The following XKR9 variants were observed in gnomAD, a reference collection of about 807,000 sequenced individuals.
The protein encoded by XKR9 is XK related 9, also known as XK-related protein 9.
XKR9 carries 32 observed loss-of-function variants against 32.0 expected under a neutral mutation model. The ratio of observed to expected loss-of-function variants is 1.00; its 90% CI spans 0.76 to 1.34. The LOEUF (loss-of-function observed/expected upper bound fraction) is 1.34. Among genes scored for constraint, XKR9 ranks in the 40% most tolerant of loss-of-function variants. The pLI is 0.00. For missense variants in XKR9, 546 were observed against 429.7 expected (o/e 1.27, Z -2.39); for synonymous variants, 168 against 143.4 (o/e 1.17, Z -1.22).
chr8:70,894,451 CTGTT>C, the XKR9 span, among the ~76,000 whole-genome samples: 1 of 152,104 alleles, frequency 6.6e-6, no homozygotes, highest in Admixed American at 6.5e-5. Flanking sequence ...AGCCACTTCT[CTGTT>C]TATTTGGGAT....
chr8:70,830,895 T>G, the XKR9 span, among the ~76,000 whole-genome samples: 1 of 152,200 alleles, frequency 6.6e-6, no homozygotes, highest in Admixed American at 6.5e-5. Flanking sequence ...AGTTTGGACA[T>G]GAACCCAGAT....
chr8:70,818,220 CAT>C, the XKR9 span, among the ~76,000 whole-genome samples: 4 of 151,484 alleles, frequency 2.6e-5, no homozygotes, highest in African/African-American at 9.7e-5. Flanking sequence ...TGAGTTTCCA[CAT>C]GATTATCTCT....
intron 1 of XKR9, among the ~76,000 whole-genome samples, chr8:70,673,527 G>A (rs150428144): frequency 2.6e-5 from 4 of 152,174 alleles, no homozygotes; most frequent in Non-Finnish European, 4.4e-5. Context: ...TTTTGGTCGG[G>A]TGTGGTGGCT....
At chr8:70,826,056 A>C in the XKR9 span, among the ~76,000 whole-genome samples, 65 of 152,250 alleles carry the variant, frequency 4.3e-4, no homozygotes, top group African/African-American at 1.5e-3. Flanking sequence ...GAGACCTCAG[A>C]ATAGTAGATA....
At chr8:70,975,003 T>G in the XKR9 span, among the ~76,000 whole-genome samples, 1 of 152,244 alleles carries the variant, frequency 6.6e-6, no homozygotes, top group African/African-American at 2.4e-5. Flanking sequence ...TGATAAGCAT[T>G]TTTTCCTGTG....
Position 70,672,988 on chromosome 8 carries a change from A to G in XKR9, c.-360-1830A>G, listed in dbSNP as rs938597430. The stretch of plus-strand genomic sequence containing the variant: ...TCCCTTGTCAGATGAATAGTTTGCA[A>G]ATATTTTCTTCTGTTCAGCAGATGT... On this transcript the variant is annotated intron_variant, in intron 1 of 4. Coordinates refer to ENST00000408926, the MANE Select transcript of XKR9 (RefSeq NM_001011720.2). 3.0e-4 allele frequency among the ~76,000 whole-genome samples: 46 copies of G among 152,074 alleles called. 1 individual carries two copies. Among genetic ancestry groups the G allele is most frequent in the African/African-American group, 9.4e-4 (39 of 41,414 alleles).
chr8:70,861,558 G>C, the XKR9 span, among the ~76,000 whole-genome samples: 1 of 152,096 alleles, frequency 6.6e-6, no homozygotes. Context: ...GCTGAGGCAG[G>C]AGGATGGCTT....
the XKR9 span, among the ~76,000 whole-genome samples, chr8:70,913,316 G>A: frequency 2.6e-5 from 4 of 152,058 alleles, no homozygotes; most frequent in Non-Finnish European, 5.9e-5. Flanking sequence ...CAAAGAAAAA[G>A]CATATATTAA....
At chr8:70,943,869 T>A in the XKR9 span, among the ~76,000 whole-genome samples, 1 of 152,196 alleles carries the variant, frequency 6.6e-6, no homozygotes, top group African/African-American at 2.4e-5. Context: ...TTCAGATTTT[T>A]ATTTTTTTCC....
chr8:70,750,633 G>A lies in XKR9; in HGVS notation n.353-38706G>A, dbSNP rs562333115. Among the ~76,000 whole-genome samples, 297 of 152,204 alleles carry A rather than the reference G, an allele frequency of 2.0e-3. 2 individuals carry two copies. Among genetic ancestry groups the A allele is most frequent in the African/African-American group, 6.6e-3 (273 of 41,502 alleles). ...CTTCCTTTTAGAAAACAGCTTTCTTGATATATAATTCATACAATTCAACTG... is the reference window on the plus strand; with the variant it reads ...CTTCCTTTTAGAAAACAGCTTTCTTAATATATAATTCATACAATTCAACTG... On this transcript the variant is annotated intron_variant and non_coding_transcript_variant, in intron 2 of 3. Coordinates refer to the XKR9 transcript ENST00000520273.
At chr8:70,736,223 AG>A (rs1318574475), downstream of XKR9, among the ~76,000 whole-genome samples, 3 of 152,258 alleles carry the variant, frequency 2.0e-5, no homozygotes, top group African/African-American at 7.2e-5. Flanking sequence ...AGTGATGGTG[AG>A]CATTTTTTCA....
chr8:70,830,524 C>T, the XKR9 span, among the ~76,000 whole-genome samples: 1 of 152,066 alleles, frequency 6.6e-6, no homozygotes, highest in East Asian at 1.9e-4. Flanking sequence ...GAGGTCAAGG[C>T]TGCAATGTGT....
the XKR9 span, among the ~76,000 whole-genome samples, chr8:70,944,011 T>G: frequency 6.6e-6 from 1 of 152,186 alleles, no homozygotes; most frequent in African/African-American, 2.4e-5. Context: ...TAAAAAATGC[T>G]TAATTTTCTA....
chr8:70,802,804 G>T, the XKR9 span, among the ~76,000 whole-genome samples: 1 of 151,932 alleles, frequency 6.6e-6, no homozygotes, highest in East Asian at 1.9e-4. Context: ...TGACTTGAAG[G>T]GTTTCTGCTA....
intron 3 of XKR9, among the ~76,000 whole-genome samples, chr8:70,691,709 C>T (rs561578065): frequency 1.2e-4 from 19 of 152,124 alleles, no homozygotes; most frequent in African/African-American, 3.9e-4. Flanking sequence ...GCTTTGTCAA[C>T]GATCAGATAG....
At chr8:70,770,858 T>C (rs2130231699) in intron 2 of XKR9, among the ~76,000 whole-genome samples, 1 of 152,296 alleles carries the variant, frequency 6.6e-6, no homozygotes, top group South Asian at 2.1e-4. Context: ...TCTGTGTGGG[T>C]GGGACCTGTT....
chr8:70,968,756 G>A, the XKR9 span, among the ~76,000 whole-genome samples: 47 of 152,216 alleles, frequency 3.1e-4, no homozygotes, highest in Middle Eastern at 6.8e-3. Flanking sequence ...GGTCCCTCCC[G>A]TACCTGGAGG....
chr8:71,044,340 C>T, the XKR9 span, among the ~76,000 whole-genome samples: 1 of 152,108 alleles, frequency 6.6e-6, no homozygotes, highest in African/African-American at 2.4e-5. Context: ...CAGTTGTGTG[C>T]TGCTTTGTGT....
chr8:70,802,171 C>T, the XKR9 span, among the ~76,000 whole-genome samples: 25 of 152,140 alleles, frequency 1.6e-4, no homozygotes, highest in Non-Finnish European at 3.1e-4. Flanking sequence ...CTCCTGACCT[C>T]GTGAGCCGCC....
Sources: allele counts gnomAD v4.1 joint callset (sites outside exome capture counted in the v4.1 genomes callset), GRCh38; gene constraint gnomAD v4.1.1; transcripts MANE v1.5; gene names NCBI Gene and HGNC (gene_info 2026-07-23, HGNC 2026-07-21).